Variants in MZT2B observed in about 807,000 individuals in gnomAD.
MZT2B encodes mitotic-spindle organizing protein 2B.
MZT2B carries 11 observed loss-of-function variants against 12.1 expected under a neutral mutation model. That is an observed-to-expected ratio of 0.91 (90% CI 0.57 to 1.50). MZT2B has a LOEUF of 1.50. Among genes scored for constraint, MZT2B ranks in the 40% most tolerant of loss-of-function variants. MZT2B has a pLI of 0.00. For missense variants in MZT2B, 209 were observed against 227.7 expected (o/e 0.92, Z 0.53); for synonymous variants, 85 against 109.5 (o/e 0.78, Z 1.40).
chr2:130,198,279 G>A, the MZT2B span: 9 of 1,327,742 alleles, frequency 6.8e-6, 2 homozygotes, highest in Non-Finnish European at 9.2e-6. Context: ...GCCCAGGCCC[G>A]CAACAACGTC....
At chr2:130,200,216 C>T in the MZT2B span, among the ~76,000 whole-genome samples, 2 of 152,038 alleles carry the variant, frequency 1.3e-5, no homozygotes, top group Non-Finnish European at 2.9e-5. Context: ...ACGGTGAAAC[C>T]CCGTCTCTAC....
Position 130,186,239 on chromosome 2 carries a change from C to T in MZT2B, c.319+3464C>T, listed in dbSNP as rs117278426. The stretch of plus-strand genomic sequence containing the variant: ...CTCCAGGCTGTGGGCCAGGCCCTCT[C>T]AAGCTTGCCTCTGAGCTGCAGCAGG... On this transcript the variant is annotated intron_variant, in intron 2 of 2. Transcript: ENST00000281871. 2.6e-5 allele frequency among the ~76,000 whole-genome samples: 4 copies of T among 152,222 alleles called. No homozygotes were observed. The East Asian group carries it at 7.8e-4, about 30-fold the overall frequency.
chr2:130,199,361 G>A, the MZT2B span, among the ~76,000 whole-genome samples: 8 of 119,690 alleles, frequency 6.7e-5, 2 homozygotes, highest in East Asian at 2.8e-4. Flanking sequence ...CCTGGGCAAC[G>A]TGGTGAGTCC....
At chr2:130,184,621 G>T (rs1459498624) in intron 2 of MZT2B, 2 of 985,314 alleles carry the variant, frequency 2.0e-6, no homozygotes, top group Middle Eastern at 5.2e-4. Flanking sequence ...GGACCCAAGG[G>T]AGGGTGGAGA....
At chr2:130,201,105 G>T in the MZT2B span, among the ~76,000 whole-genome samples, 1 of 152,250 alleles carries the variant, frequency 6.6e-6, no homozygotes, top group Non-Finnish European at 1.5e-5. Context: ...GACTCACGAG[G>T]TCCAGGAGTT....
chr2:130,183,018 T>G, intron 2 of MZT2B: 2 of 631,742 alleles, frequency 3.2e-6, no homozygotes, highest in Non-Finnish European at 5.3e-6. Flanking sequence ...GTAGGGCTCC[T>G]CCGCTTAGCT....
chr2:130,196,282 C>T, the MZT2B span: 33 of 1,613,968 alleles, frequency 2.0e-5, no homozygotes, highest in African/African-American at 3.9e-4. Context: ...GACCATCGGG[C>T]TGAATTCCAT....
At chr2:130,184,561 C>G (rs564265880) in intron 2 of MZT2B, 2 of 985,368 alleles carry the variant, frequency 2.0e-6, no homozygotes, top group South Asian at 9.4e-5. Flanking sequence ...TTGGTTGCAC[C>G]TCCTGCGTGC....
upstream of MZT2B, chr2:130,181,708 G>GGCCA (rs781643607): frequency 1.7e-5 from 26 of 1,548,458 alleles, no homozygotes; most frequent in East Asian, 6.1e-4. Context: ...CCGGCCGGGC[G>GGCCA]GGGAAGAGAA....
the MZT2B span, among the ~76,000 whole-genome samples, chr2:130,197,132 C>T: frequency 2.0e-5 from 3 of 152,148 alleles, no homozygotes; most frequent in Non-Finnish European, 4.4e-5. Flanking sequence ...TTGAAGCCTA[C>T]GGGTGTAATG....
At chr2:130,199,127 G>A in the MZT2B span, among the ~76,000 whole-genome samples, 2 of 120,356 alleles carry the variant, frequency 1.7e-5, 1 homozygote. Flanking sequence ...TAGGAGAATC[G>A]CTTGAAACTG....
chr2:130,201,296 C>A, the MZT2B span, among the ~76,000 whole-genome samples: 1 of 152,198 alleles, frequency 6.6e-6, no homozygotes, highest in Non-Finnish European at 1.5e-5. Flanking sequence ...GCCCCAGGCA[C>A]CCTAAAAAAT....
intron 2 of MZT2B, among the ~76,000 whole-genome samples, chr2:130,187,467 G>A (rs1208082865): frequency 6.6e-6 from 1 of 152,166 alleles, no homozygotes; most frequent in Non-Finnish European, 1.5e-5. Context: ...GGAATTACAG[G>A]CATGAGCCAC....
At chr2:130,191,914 C>T (rs1690268674), downstream of MZT2B, 3 of 1,614,024 alleles carry the variant, frequency 1.9e-6, no homozygotes, top group South Asian at 1.1e-5. Context: ...GCTGCCAGGT[C>T]CTCGCGGGCC....
chr2:130,195,243 T>G, downstream of MZT2B: 1 of 1,613,166 alleles, frequency 6.2e-7, no homozygotes, highest in Non-Finnish European at 8.5e-7. Context: ...AAAGAGACAG[T>G]GTGTACTGTG....
At chr2:130,187,443 C>T (rs1558778768) in intron 2 of MZT2B, among the ~76,000 whole-genome samples, 1 of 152,328 alleles carries the variant, frequency 6.6e-6, no homozygotes, top group South Asian at 2.1e-4. Flanking sequence ...CCCGCCTTGG[C>T]CTCCCAAAGT....
the MZT2B span, among the ~76,000 whole-genome samples, chr2:130,196,608 A>C: frequency 6.6e-6 from 1 of 152,232 alleles, no homozygotes; most frequent in Admixed American, 6.5e-5. Flanking sequence ...GCCACTACAC[A>C]AAACTTAGGT....
chr2:130,181,703 C>G (rs77887649), upstream of MZT2B: 4 of 1,548,442 alleles, frequency 2.6e-6, no homozygotes, highest in East Asian at 2.4e-5. Context: ...GAAGGCCGGC[C>G]GGGCGGGGAA....
At chr2:130,201,141 C>A in the MZT2B span, among the ~76,000 whole-genome samples, 1 of 152,208 alleles carries the variant, frequency 6.6e-6, no homozygotes, top group African/African-American at 2.4e-5. Context: ...CCTTTGGGGA[C>A]CTCTGAACAG....
Sources: allele counts gnomAD v4.1 joint callset (sites outside exome capture counted in the v4.1 genomes callset), GRCh38; gene constraint gnomAD v4.1.1; transcripts MANE v1.5; gene names NCBI Gene and HGNC (gene_info 2026-07-23, HGNC 2026-07-21).